NUP50: variants seen among roughly 807,000 people sequenced by gnomAD.
The protein encoded by NUP50 is nucleoporin 50.
NUP50 carries 14 observed loss-of-function variants against 36.8 expected under a neutral mutation model. That is an observed-to-expected ratio of 0.38 (90% CI 0.25 to 0.59). The LOEUF (loss-of-function observed/expected upper bound fraction) is 0.59, where lower values mean the gene tolerates loss of function less well. Ranked by LOEUF, NUP50 falls within the 20% of genes least tolerant of loss-of-function variation. The pLI is 0.63. For missense variants in NUP50, 455 were observed against 564.6 expected (o/e 0.81, Z 1.97); for synonymous variants, 195 against 210.8 (o/e 0.93, Z 0.65).
In NUP50 at chr22:45,178,236, A is replaced by G. The variant is rs1347482407; in HGVS notation, c.341-2A>G. The G allele has an allele frequency of 6.2e-7, 1 of 1,609,450 alleles. No individual in the cohort carries two copies. Among genetic ancestry groups the G allele is most frequent in the Non-Finnish European group, 8.5e-7 (1 of 1,177,620 alleles). Reference sequence around the variant, plus strand: ...AATGGTTCAATTATTAACTTTCTATAGGTTCTCTTGCTGCAAATGGCCCTA... The same window carrying G: ...AATGGTTCAATTATTAACTTTCTATGGGTTCTCTTGCTGCAAATGGCCCTA... On this transcript the variant is annotated splice_acceptor_variant, in intron 4 of 7. Coordinates refer to ENST00000347635, the MANE Select transcript of NUP50 (RefSeq NM_007172.4). LOFTEE classifies it high-confidence loss of function.
intron 7 of NUP50, 190 bp from the exon 8 acceptor site, chr22:45,184,263 A>C (rs749619132): frequency 1.6e-6 from 1 of 606,128 alleles, no homozygotes; most frequent in Non-Finnish European, 3.0e-6. Flanking sequence ...GCCACTCCTC[A>C]CAGTGAGGGC....
intron 7 of NUP50, 176 bp downstream of exon 7, chr22:45,183,696 T>G (rs2074420119): frequency 1.8e-6 from 1 of 559,470 alleles, no homozygotes; most frequent in African/African-American, 1.9e-5. Flanking sequence ...TAAGGAAACA[T>G]AAATGTGTTA....
chr22:45,175,821 C>A, intron 3 of NUP50, 73 bp from the exon 4 acceptor site: 2 of 1,477,424 alleles, frequency 1.4e-6, no homozygotes, highest in Non-Finnish European at 1.9e-6. Context: ...AGCCAAGATG[C>A]TGTTGTCACT....
Position 45,178,730 on chromosome 22 carries a change from A to G in NUP50, c.833A>G (p.Asp278Gly). Residue 278 changes from aspartate (D) to glycine (G), a missense_variant, in exon 5 of 8, where the codon GAT (aspartate) becomes GGT (glycine). Physicochemically the swap from Asp to Gly is moderately conservative, Grantham distance 94. Around this residue, in one of 3 missense-constraint regions of NUP50, gnomAD observed 287 missense variants for 345.5 expected, o/e 0.83. Coordinates refer to ENST00000347635, the MANE Select transcript of NUP50 (RefSeq NM_007172.4). ...SASFNFGKKV[D>G]SSVLGSLSSV... ...TCATTTAATTTCGGCAAGAAAGTTG[A>G]TAGCTCTGTTTTGGGCTCATTAAGC... is the stretch of plus-strand genomic sequence containing the variant. 6.2e-7 allele frequency: 1 copy of G among 1,613,598 alleles called. No homozygotes were observed. Among genetic ancestry groups the G allele is most frequent in the Non-Finnish European group, 8.5e-7 (1 of 1,179,874 alleles).
In NUP50 at chr22:45,172,458, C is replaced by G. The variant is rs573285022; in HGVS notation, c.153+775C>G. On this transcript the variant is annotated intron_variant, in intron 3 of 7. Coordinates refer to ENST00000347635, the MANE Select transcript of NUP50 (RefSeq NM_007172.4). ...AAGCTTTTTGAGCACCAACGTGATG[C>G]TCCAAGGAAATAGTCATTGGAGGAT... 2.6e-5 allele frequency among the ~76,000 whole-genome samples: 4 copies of G among 152,294 alleles called. No homozygotes were observed. In the South Asian group the frequency reaches 8.3e-4, roughly 32 times the overall value.
At chr22:45,170,890 C>A in intron 2 of NUP50, 1 of 788,552 alleles carries the variant, frequency 1.3e-6, no homozygotes, top group Non-Finnish European at 1.8e-6. Context: ...GCCAGATGGT[C>A]CCCTCTATGA....
chr22:45,164,980 C>T (rs756729384), intron 1 of NUP50: 3 of 152,114 alleles, frequency 2.0e-5, no homozygotes, highest in Non-Finnish European at 4.4e-5. Context: ...TTACTTGGCC[C>T]CCTTGTTGTT....
intron 5 of NUP50, among the ~76,000 whole-genome samples, chr22:45,180,939 C>T (rs575238314): frequency 1.3e-5 from 2 of 151,270 alleles, no homozygotes; most frequent in East Asian, 1.9e-4. Flanking sequence ...AAAACTCATC[C>T]GAGATGGAAT....
chr22:45,166,283 CTTTTTTTTTTTTTTTT>C (rs71190641), intron 1 of NUP50: 4 of 121,946 alleles, frequency 3.3e-5, no homozygotes, highest in African/African-American at 1.0e-4. Context: ...TTTTCTTTTT[CTTTTTTTTTTTTTTTT>C]TTTTTTGAGA....
Position 45,177,840 on chromosome 22 carries a change from C to A in NUP50, c.341-398C>A, listed in dbSNP as rs1345607156. 6 of 177,002 alleles carry A rather than the reference C, an allele frequency of 3.4e-5. No individual in the cohort carries two copies. In the East Asian group the frequency reaches 7.5e-4, roughly 22 times the overall value. The allele number at this position is 177,002 out of a possible 1,614,324, so 11.0% of individuals were successfully genotyped here. On this transcript the variant is annotated intron_variant, in intron 4 of 7. Coordinates refer to ENST00000347635, the MANE Select transcript of NUP50 (RefSeq NM_007172.4). ...TTTTTGAGCGGTCACAAAAATAGGGCACAGTAGGTCGGGCGCAGTGGCTCA... is the reference window on the plus strand; with the variant it reads ...TTTTTGAGCGGTCACAAAAATAGGGAACAGTAGGTCGGGCGCAGTGGCTCA...
chr22:45,167,840 A>G (rs1468329778), intron 1 of NUP50, among the ~76,000 whole-genome samples: 3 of 152,240 alleles, frequency 2.0e-5, no homozygotes, highest in Non-Finnish European at 4.4e-5. Context: ...TTATATATAC[A>G]GTACTTCAGA....
At chr22:45,168,052 C>CTGAT (rs2074122728) in intron 1 of NUP50, 116 bp from the exon 2 acceptor site, 1 of 757,050 alleles carries the variant, frequency 1.3e-6, no homozygotes, top group South Asian at 1.7e-5. Context: ...CTTTTTTTCC[C>CTGAT]TGATAAAAAA....
intron 3 of NUP50, among the ~76,000 whole-genome samples, chr22:45,172,791 A>G (rs866147110): frequency 6.6e-6 from 1 of 152,264 alleles, no homozygotes; most frequent in Non-Finnish European, 1.5e-5. Context: ...AGACGTTTAC[A>G]ACAGCCAGTC....
chr22:45,182,095 T>C (rs2074382245), intron 6 of NUP50, among the ~76,000 whole-genome samples: 1 of 152,036 alleles, frequency 6.6e-6, no homozygotes, highest in African/African-American at 2.4e-5. Context: ...ATTTCATTAC[T>C]CACATGACAT....
Position 45,183,272 on chromosome 22 carries a change from A to T in NUP50, c.1086-130A>T, listed in dbSNP as rs2074410922. On this transcript the variant is annotated intron_variant, in intron 6 of 7. Transcript: ENST00000347635. The stretch of plus-strand genomic sequence containing the variant: ...CAGGCTCTGTTTGGATCAATTAAAG[A>T]TTTATCCTGAAGCTTCCTGTACTCA... 6 of 619,492 alleles carry T rather than the reference A, an allele frequency of 9.7e-6. 1 individual carries two copies. Among genetic ancestry groups the T allele is most frequent in the Non-Finnish European group, 1.8e-5 (6 of 340,794 alleles). The allele number at this position is 619,492 out of a possible 1,614,324, so 38.4% of individuals were successfully genotyped here. A position where few individuals can be genotyped will look rare whatever the true frequency, so the allele number is the denominator to read the frequency against.
intron 3 of NUP50, among the ~76,000 whole-genome samples, chr22:45,175,523 G>T (rs898311488): frequency 3.3e-5 from 5 of 152,208 alleles, no homozygotes; most frequent in African/African-American, 1.2e-4. Flanking sequence ...TGACTGAGTA[G>T]TACATGAAGT....
chr22:45,179,009 G>C, intron 5 of NUP50, 109 bp downstream of exon 5: 1 of 1,046,174 alleles, frequency 9.6e-7, no homozygotes, highest in East Asian at 2.5e-5. Context: ...TTGAGACGTT[G>C]TTCTCTCCAT....
chr22:45,165,092 G>C (rs1005314959), intron 1 of NUP50: 7 of 152,226 alleles, frequency 4.6e-5, no homozygotes, highest in African/African-American at 7.2e-5. Context: ...AGCTACACCA[G>C]ATGCCAGAGA....
intron 1 of NUP50, chr22:45,164,573 C>T (rs767483913): frequency 6.6e-6 from 1 of 151,044 alleles, no homozygotes. Flanking sequence ...GAGGTCGGGA[C>T]TCTAGGGAGG....
Sources: allele counts gnomAD v4.1 joint callset (sites outside exome capture counted in the v4.1 genomes callset), GRCh38; gene constraint gnomAD v4.1.1; regional missense constraint gnomAD v4.1.1; transcripts MANE v1.5; gene names NCBI Gene and HGNC (gene_info 2026-07-23, HGNC 2026-07-21).